Variants in CERK observed in about 807,000 individuals in gnomAD.
The protein encoded by CERK is ceramide kinase.
In CERK, 39 loss-of-function variants were observed where a neutral mutation model predicts 63.4. The observed-to-expected ratio is 0.61, with a 90% CI of 0.48 to 0.80. The LOEUF (loss-of-function observed/expected upper bound fraction) is 0.80, where lower values mean the gene tolerates loss of function less well. Ranked by LOEUF, CERK falls within the 30% of genes least tolerant of loss-of-function variation. The probability of loss-of-function intolerance (pLI) is 0.00; values close to 1 mark genes in which losing one functional copy is unlikely to be tolerated. For synonymous variants in CERK, 302 were observed against 280.0 expected, an observed-to-expected ratio of 1.08 and a Z score of -0.78; for missense variants, 670 against 714.1, an observed-to-expected ratio of 0.94 and a Z score of 0.70.
intron 6 of CERK, 55 bp from the exon 7 acceptor site, chr22:46,701,765 G>A (rs563636378): frequency 3.3e-5 from 45 of 1,346,990 alleles, no homozygotes; most frequent in African/African-American, 4.3e-5. Flanking sequence ...AATTGTAATC[G>A]CCTCCCAATT....
rs183250859 is a variant in CERK at position 46,716,755 on chromosome 22, A to G, written c.379+3331T>C. 1.7e-4 allele frequency among the ~76,000 whole-genome samples: 26 copies of G among 151,790 alleles called. 1 individual carries two copies. Among genetic ancestry groups the G allele is most frequent in the Admixed American group, 3.9e-4 (6 of 15,256 alleles). ...AGAGTTCAAGATCAGCCTGGCCAAT[A>G]TAGCAAAACCCCCTCTCTACTAAAA... On this transcript the variant is annotated intron_variant, in intron 3 of 12. Transcript: ENST00000216264.
intron 5 of CERK, among the ~76,000 whole-genome samples, chr22:46,708,906 C>A (rs1044020639): frequency 1.3e-5 from 2 of 152,080 alleles, no homozygotes; most frequent in African/African-American, 2.4e-5. Context: ...GCCTGAGGGG[C>A]CTCCCTCAAG....
chr22:46,703,963 G>A (rs1312360120), intron 6 of CERK, among the ~76,000 whole-genome samples: 2 of 151,106 alleles, frequency 1.3e-5, no homozygotes, highest in Non-Finnish European at 2.9e-5. Flanking sequence ...CCCCTCACCT[G>A]TCACCTCTCA....
Position 46,686,972 on chromosome 22 carries a change from T to C in CERK, c.*162A>G. 3.0e-6 allele frequency: 2 copies of C among 670,892 alleles called. No homozygotes were observed. The highest frequency in any genetic ancestry group is 5.0e-6 in the Non-Finnish European group (2 of 402,674). The allele number at this position is 670,892 out of a possible 1,614,324, so 41.6% of individuals were successfully genotyped here. ...CGTACAGAACTGAAAATGCCAAATA[T>C]GTACACAAAATTGTTGACAAAAGGG... On this transcript the variant is annotated 3_prime_UTR_variant, in exon 13 of 13. Coordinates refer to ENST00000216264, the MANE Select transcript of CERK (RefSeq NM_022766.6).
chr22:46,728,252 C>T (rs778889463), intron 1 of CERK, among the ~76,000 whole-genome samples: 18 of 152,108 alleles, frequency 1.2e-4, no homozygotes, highest in Non-Finnish European at 2.5e-4. Context: ...TCCAAGGGCT[C>T]CAGGGACCGT....
chr22:46,736,130 C>T (rs1010631150), intron 1 of CERK, among the ~76,000 whole-genome samples: 11 of 152,242 alleles, frequency 7.2e-5, no homozygotes, highest in Non-Finnish European at 1.3e-4. Context: ...AGGATGAACC[C>T]GCACAAAAGC....
chr22:46,713,970 A>T (rs1270050040), intron 3 of CERK, among the ~76,000 whole-genome samples: 1 of 152,140 alleles, frequency 6.6e-6, no homozygotes, highest in Non-Finnish European at 1.5e-5. Flanking sequence ...TGTCTCGACA[A>T]ACGATCAAAA....
At chr22:46,690,336 C>A (rs1169222042) in intron 11 of CERK, 136 bp from the exon 12 acceptor site, 3 of 630,960 alleles carry the variant, frequency 4.8e-6, no homozygotes, top group Non-Finnish European at 8.2e-6. Context: ...GATGCGACTG[C>A]TTGTGCAGGC....
intron 4 of CERK, 108 bp from the exon 5 acceptor site, chr22:46,711,257 G>T: frequency 2.5e-6 from 2 of 792,106 alleles, no homozygotes; most frequent in East Asian, 2.6e-5. Context: ...ACCTTCAGGC[G>T]GATTTCCTAG....
chr22:46,702,390 G>A (rs1237520702), intron 6 of CERK, among the ~76,000 whole-genome samples: 1 of 151,568 alleles, frequency 6.6e-6, no homozygotes, highest in Non-Finnish European at 1.5e-5. Context: ...TGTCTCCCAG[G>A]TTCAGGCAAT....
chr22:46,705,574 G>A (rs569694118), intron 6 of CERK, among the ~76,000 whole-genome samples: 105 of 152,334 alleles, frequency 6.9e-4, no homozygotes, highest in African/African-American at 2.3e-3. Context: ...AGGAGGCTGA[G>A]GCAGGAGAAT....
At chr22:46,700,389 G>C (rs2082777842) in intron 7 of CERK, among the ~76,000 whole-genome samples, 1 of 152,038 alleles carries the variant, frequency 6.6e-6, no homozygotes, top group Admixed American at 6.6e-5. Context: ...GCGAAACTCT[G>C]TCTCAAAATA....
At chr22:46,701,232 G>A (rs1266186764) in intron 7 of CERK, among the ~76,000 whole-genome samples, 1 of 152,228 alleles carries the variant, frequency 6.6e-6, no homozygotes, top group Non-Finnish European at 1.5e-5. Flanking sequence ...ACAGAGGCAT[G>A]CGTTCCACAG....
At chr22:46,702,636 C>G (rs2082792944) in intron 6 of CERK, among the ~76,000 whole-genome samples, 1 of 152,248 alleles carries the variant, frequency 6.6e-6, no homozygotes, top group African/African-American at 2.4e-5. Flanking sequence ...CACACACAGC[C>G]ATTACTTGAG....
chr22:46,699,062 G>A (rs887198422), intron 8 of CERK, among the ~76,000 whole-genome samples: 3 of 152,084 alleles, frequency 2.0e-5, no homozygotes, highest in African/African-American at 4.8e-5. Context: ...AGTGAACTGC[G>A]TCCGTCATGG....
chr22:46,706,741 A>G (rs569707671), intron 6 of CERK, among the ~76,000 whole-genome samples: 21 of 152,210 alleles, frequency 1.4e-4, no homozygotes, highest in Non-Finnish European at 2.4e-4. Flanking sequence ...GCTAACAATT[A>G]TTAGTAATTC....
chr22:46,703,724 C>T (rs2082799112), intron 6 of CERK, among the ~76,000 whole-genome samples: 1 of 152,220 alleles, frequency 6.6e-6, no homozygotes, highest in South Asian at 2.1e-4. Context: ...GGCCCACATG[C>T]TCTTAGGACC....
Position 46,701,653 on chromosome 22 carries a change from G to T in CERK, c.773C>A (p.Ala258Glu). 3 of 1,558,868 alleles carry T rather than the reference G, an allele frequency of 1.9e-6. No individual in the cohort carries two copies. The highest frequency in any genetic ancestry group is 1.4e-5 in the African/African-American group (1 of 73,410). Residue 258 changes from alanine to glutamate, a missense_variant, in exon 7 of 13, where the codon GCG becomes GAG. Ala to Glu is a moderately radical substitution (Grantham distance 107). Coordinates refer to ENST00000216264, the MANE Select transcript of CERK (RefSeq NM_022766.6). ...TVGTSDAETS[A>E]LHIVVGDSLA... ...GGGCTCACCAACAACGATATGCAGC[G>T]CCGAGGTTTCTGCGTCGCTGGTGCC... is the stretch of plus-strand genomic sequence containing the variant.
At position 46,687,212 on chromosome 22, in the gene CERK, G is replaced by A; in HGVS notation, c.1542-6C>T. On this transcript the variant is annotated splice_polypyrimidine_tract_variant and splice_region_variant and intron_variant, in intron 12 of 12. Coordinates refer to ENST00000216264, the MANE Select transcript of CERK (RefSeq NM_022766.6). Reference sequence around the variant, plus strand: ...GAACCAGCTGGCAGTGGACTCTGCAGAGACAAGCGGCCACGTGTAAACCCC... The same window carrying A: ...GAACCAGCTGGCAGTGGACTCTGCAAAGACAAGCGGCCACGTGTAAACCCC... 1.9e-6 allele frequency: 3 copies of A among 1,613,758 alleles called. No individual in the cohort carries two copies. Among genetic ancestry groups the A allele is most frequent in the African/African-American group, 1.3e-5 (1 of 75,022 alleles).
Sources: gnomAD v4.1 joint callset for allele counts (sites outside exome capture counted in the v4.1 genomes callset) on GRCh38, gnomAD v4.1.1 for gene constraint, MANE v1.5 for transcripts, NCBI Gene and HGNC (gene_info 2026-07-23, HGNC 2026-07-21) for gene names.